Variants in C19orf12 observed in about 807,000 individuals in gnomAD.
C19orf12 encodes the protein chromosome 19 open reading frame 12, also known as protein C19orf12.
C19orf12 carries 2 observed loss-of-function variants against 3.8 expected under a neutral mutation model. The ratio of observed to expected loss-of-function variants is 0.53; its 90% CI spans 0.22 to 1.66. C19orf12 has a LOEUF of 1.66. Among genes scored for constraint, C19orf12 ranks in the 40% most tolerant of loss-of-function variants. C19orf12 has a pLI of 0.20. For missense variants in C19orf12, 156 were observed against 188.8 expected (o/e 0.83, Z 1.02); for synonymous variants, 89 against 84.6 (o/e 1.05, Z -0.28).
At position 29,702,464 on chromosome 19, in the gene C19orf12, T is replaced by C; in HGVS notation, c.*248A>G. On this transcript the variant is annotated 3_prime_UTR_variant, in exon 3 of 3. Coordinates refer to ENST00000323670, the MANE Select transcript of C19orf12 (RefSeq NM_031448.6). ...CGGCAGGCAGGCCTTTACTCTTCAC[T>C]GGGGGGCCAGTCAGAGGGCTGTCAT... The C allele has an allele frequency of 1.4e-6, 1 of 690,052 alleles. No individual in the cohort carries two copies. The highest frequency in any genetic ancestry group is 2.6e-6 in the Non-Finnish European group (1 of 381,724). 42.7% of individuals were successfully genotyped at this position (690,052 alleles called of 1,614,324 possible).
In C19orf12 at chr19:29,699,204, A is replaced by G. The variant is rs1971939878; in HGVS notation, c.*3508T>C. 2.2e-6 allele frequency: 1 copy of G among 453,852 alleles called. No homozygotes were observed. Among genetic ancestry groups the G allele is most frequent in the African/African-American group, 2.0e-5 (1 of 49,976 alleles). The allele number at this position is 453,852 out of a possible 1,614,324, so 28.1% of individuals were successfully genotyped here. A position where few individuals can be genotyped will look rare whatever the true frequency, so the allele number is the denominator to read the frequency against. On this transcript the variant is annotated 3_prime_UTR_variant, in exon 3 of 3. Transcript: ENST00000323670. ...ATACATAGGCCGGGCGCAGTGGCTC[A>G]CGCCTGTAATCCCAGCACTTTGGGA... is the stretch of plus-strand genomic sequence containing the variant.
Position 29,701,920 on chromosome 19 carries a change from G to A in C19orf12, c.*792C>T, listed in dbSNP as rs941539641. 2.0e-5 allele frequency: 9 copies of A among 454,098 alleles called. No homozygotes were observed. The highest frequency in any genetic ancestry group is 1.2e-4 in the African/African-American group (6 of 50,122). 28.1% of individuals were successfully genotyped at this position (454,098 alleles called of 1,614,324 possible). On this transcript the variant is annotated 3_prime_UTR_variant, in exon 3 of 3. Coordinates refer to ENST00000323670, the MANE Select transcript of C19orf12 (RefSeq NM_031448.6). ...ATGCACTGGGAAACTAAAACAATGC[G>A]CTTCCTTGCTTTATTGTGATGTTGG...
Position 29,702,703 on chromosome 19 carries a change from A to T in C19orf12, c.*9T>A. On this transcript the variant is annotated 3_prime_UTR_variant, in exon 3 of 3. Coordinates refer to ENST00000323670, the MANE Select transcript of C19orf12 (RefSeq NM_031448.6). ...TTAAAGGGGCCCCCCACCTCCCCGG[A>T]GGTGCGGCCTAGTCATCATACTGGA... 6.2e-7 allele frequency: 1 copy of T among 1,613,108 alleles called. No individual in the cohort carries two copies.
chr19:29,712,494 G>C (rs1213767707), intron 1 of C19orf12, among the ~76,000 whole-genome samples: 3 of 152,106 alleles, frequency 2.0e-5, no homozygotes, highest in Non-Finnish European at 4.4e-5. Context: ...GTCTACCTTG[G>C]AGTGTTCTTC....
At chr19:29,703,362 A>ATTTTCT (rs1555714971) in intron 2 of C19orf12, among the ~76,000 whole-genome samples, 1 of 139,786 alleles carries the variant, frequency 7.2e-6, no homozygotes, top group African/African-American at 2.6e-5. Context: ...AAACAAATGC[A>ATTTTCT]TTTTCTTTTT....
intron 2 of C19orf12, among the ~76,000 whole-genome samples, chr19:29,707,115 G>A (rs553386277): frequency 1.5e-4 from 23 of 152,332 alleles, no homozygotes; most frequent in African/African-American, 3.8e-4. Context: ...CTAGCACTTC[G>A]GGAGGCCCAG....
At position 29,702,818 on chromosome 19, in the gene C19orf12, A is replaced by C. The variant is rs751930578; in HGVS notation, c.320T>G (p.Leu107Arg). The change falls in exon 3 of 3, where the codon CTG (leucine) becomes CGG (arginine). Residue 107 changes from leucine (L) to arginine (R), a missense_variant. Transcript: ENST00000323670. ...RHLEWTDAVQLTALVMGSEAL... is the reference protein window; with the variant it reads ...RHLEWTDAVQRTALVMGSEAL... ...CTCGCTGCCCATGACCAGCGCGGTC[A>C]GCTGCACGGCGTCCGTCCACTCCAG... 6.2e-7 allele frequency: 1 copy of C among 1,613,992 alleles called. No homozygotes were observed.
chr19:29,708,606 G>A, intron 1 of C19orf12, 183 bp from the exon 2 acceptor site: 4 of 709,990 alleles, frequency 5.6e-6, no homozygotes, highest in African/African-American at 1.8e-5. Context: ...AGGACAGGCA[G>A]CAGTTAGTGA....
Position 29,702,950 on chromosome 19 carries a change from G to C in C19orf12, c.188C>G (p.Ala63Gly). 6.2e-7 allele frequency: 1 copy of C among 1,614,148 alleles called. No homozygotes were observed. Among genetic ancestry groups the C allele is most frequent in the Non-Finnish European group, 8.5e-7 (1 of 1,180,016 alleles). The change falls in exon 3 of 3, where the codon GCC becomes GGC. Residue 63 changes from alanine (A) to glycine (G), a missense_variant. By Grantham distance (60) the Ala-to-Gly change is moderately conservative (BLOSUM62 0). Transcript: ENST00000323670. ...CTTAAACTGTCCACTTGTCATCCAG[G>C]CACCTAACAGCCCCCCGACAGCCCC... is the stretch of plus-strand genomic sequence containing the variant. Reference protein sequence around the residue: ...VGGAVGGLLGAWMTSGQFKPV... With the variant: ...VGGAVGGLLGGWMTSGQFKPV...
intron 1 of C19orf12, among the ~76,000 whole-genome samples, chr19:29,709,108 G>A (rs562898046): frequency 1.3e-5 from 2 of 152,220 alleles, no homozygotes; most frequent in Non-Finnish European, 2.9e-5. Context: ...GTTCTTAAAA[G>A]TCAACACAGT....
rs1171958245 is a variant in C19orf12, at chr19:29,708,845, G to T, written c.-10-422C>A. The stretch of plus-strand genomic sequence containing the variant: ...TCCCGGCGTGAGGCATCTGAGCTGA[G>T]GCCAAGCCAGAGCCAGGGAAGGGAT... On this transcript the variant is annotated intron_variant, in intron 1 of 2. Transcript: ENST00000323670. Among the ~76,000 whole-genome samples the T allele has an allele frequency of 2.6e-5, 4 of 152,334 alleles. No homozygotes were observed. The East Asian group carries it at 7.7e-4, about 29-fold the overall frequency.
chr19:29,710,540 G>A (rs1380679071), intron 1 of C19orf12, among the ~76,000 whole-genome samples: 1 of 152,130 alleles, frequency 6.6e-6, no homozygotes, highest in Non-Finnish European at 1.5e-5. Context: ...AGGGCATAAC[G>A]CAGGACTCTG....
intron 1 of C19orf12, 140 bp from the exon 2 acceptor site, chr19:29,708,563 A>C (rs1279972267): frequency 3.4e-5 from 36 of 1,055,034 alleles, no homozygotes; most frequent in Non-Finnish European, 4.7e-5. Context: ...TGTATGACAG[A>C]CAGCATCCAG....
chr19:29,711,794 C>T (rs1972693558), intron 1 of C19orf12, among the ~76,000 whole-genome samples: 1 of 152,182 alleles, frequency 6.6e-6, no homozygotes, highest in Admixed American at 6.6e-5. Flanking sequence ...AACCTAGCTT[C>T]CGACCTGCTC....
intron 1 of C19orf12, among the ~76,000 whole-genome samples, chr19:29,709,684 C>G (rs765133794): frequency 1.1e-4 from 16 of 151,356 alleles, no homozygotes; most frequent in Non-Finnish European, 1.9e-4. Context: ...TATGCAATCA[C>G]CACGCCCAGC....
At chr19:29,705,193 A>G in intron 2 of C19orf12, 1 of 241,374 alleles carries the variant, frequency 4.1e-6, no homozygotes, top group South Asian at 4.5e-5. Flanking sequence ...CCTCCCAGGC[A>G]TGCCTCCCAA....
At position 29,711,724 on chromosome 19, in the gene C19orf12, A is replaced by C. The variant is rs73548180; in HGVS notation, c.-10-3301T>G. Among the ~76,000 whole-genome samples the C allele has an allele frequency of 4.4e-3, 671 of 152,318 alleles. 8 individuals are homozygous for C. Among genetic ancestry groups the C allele is most frequent in the African/African-American group, 0.015 (619 of 41,570 alleles). On this transcript the variant is annotated intron_variant, in intron 1 of 2. Transcript: ENST00000323670. ...GAAAATGCATGTAGAAGTGGAAAGA[A>C]GGAAGGCAGGAAACAGATACATAAC...
At chr19:29,707,376 A>G (rs1972429728) in intron 2 of C19orf12, among the ~76,000 whole-genome samples, 1 of 152,246 alleles carries the variant, frequency 6.6e-6, no homozygotes, top group African/African-American at 2.4e-5. Flanking sequence ...AGAAAAAAGC[A>G]GGTGGTAAAG....
intron 1 of C19orf12, among the ~76,000 whole-genome samples, chr19:29,709,821 C>T (rs369326175): frequency 2.0e-5 from 3 of 152,068 alleles, no homozygotes; most frequent in Non-Finnish European, 2.9e-5. Flanking sequence ...TGAGCCACTA[C>T]ATTTGACCTT....
Sources: allele counts gnomAD v4.1 joint callset (sites outside exome capture counted in the v4.1 genomes callset), GRCh38; gene constraint gnomAD v4.1.1; transcripts MANE v1.5; gene names NCBI Gene and HGNC (gene_info 2026-07-23, HGNC 2026-07-21).